Variants in ANO4 observed in about 807,000 individuals in gnomAD.
ANO4 encodes anoctamin 4.
Under a neutral mutation model 141.9 loss-of-function variants are expected in ANO4, and 69 were observed. The observed-to-expected ratio is 0.49, with a 90% confidence interval of 0.40 to 0.59. ANO4 has a LOEUF of 0.59. Among genes scored for constraint, ANO4 ranks in the 20% least tolerant of loss-of-function variants. ANO4 has a pLI of 0.00. For missense variants in ANO4, 894 were observed against 1,162.2 expected, an observed-to-expected ratio of 0.77 and a Z score of 3.36; for synonymous variants, 350 against 394.3, an observed-to-expected ratio of 0.89 and a Z score of 1.33.
chr12:100,818,059 A>C (rs1054215415), intron 1 of ANO4, among the ~76,000 whole-genome samples: 1 of 151,734 alleles, frequency 6.6e-6, no homozygotes, highest in African/African-American at 2.4e-5. Flanking sequence ...TTATTATTGA[A>C]TGTATGACTC....
intron 17 of ANO4, 86 bp from the exon 18 acceptor site, chr12:101,094,170 G>A (rs975691324): frequency 2.0e-5 from 21 of 1,053,132 alleles, no homozygotes; most frequent in Admixed American, 7.6e-5. Context: ...ATTTTGACTC[G>A]TGATTTGACT....
intron 3 of ANO4, among the ~76,000 whole-genome samples, chr12:100,774,879 G>A (rs1014586563): frequency 1.3e-5 from 2 of 152,186 alleles, no homozygotes; most frequent in Non-Finnish European, 2.9e-5. Context: ...TAACTTAACT[G>A]CCTACAGGGG....
intron 1 of ANO4, among the ~76,000 whole-genome samples, chr12:100,882,634 C>T (rs2039624018): frequency 6.6e-6 from 1 of 152,012 alleles, no homozygotes; most frequent in Admixed American, 6.6e-5. Flanking sequence ...ATAGCTCCAC[C>T]CACTAGATGA....
chr12:100,750,964 G>T (rs913854502), intron 3 of ANO4, among the ~76,000 whole-genome samples: 2 of 152,112 alleles, frequency 1.3e-5, no homozygotes, highest in Admixed American at 1.3e-4. Context: ...ATGGAGGGAA[G>T]CATAACCAGG....
chr12:100,760,000 A>G (rs2135522725), intron 3 of ANO4, among the ~76,000 whole-genome samples: 1 of 152,346 alleles, frequency 6.6e-6, no homozygotes, highest in Admixed American at 6.5e-5. Flanking sequence ...TCACCTGCAG[A>G]CATCAGACAT....
chr12:100,732,063 G>C (rs2031401230), intron 1 of ANO4, among the ~76,000 whole-genome samples: 1 of 152,200 alleles, frequency 6.6e-6, no homozygotes, highest in Non-Finnish European at 1.5e-5. Flanking sequence ...TAGGTTTTTG[G>C]ATGGGCGTAA....
intron 14 of ANO4, among the ~76,000 whole-genome samples, chr12:101,073,656 A>G (rs1232822081): frequency 6.6e-6 from 1 of 151,674 alleles, no homozygotes; most frequent in Non-Finnish European, 1.5e-5. Context: ...TGTGTCTGTG[A>G]TGGGCCTTAT....
chr12:100,964,015 C>T (rs1365136948), intron 5 of ANO4, among the ~76,000 whole-genome samples: 1 of 152,158 alleles, frequency 6.6e-6, no homozygotes, highest in African/African-American at 2.4e-5. Flanking sequence ...GAGTAATGTG[C>T]CCACAGATGG....
At chr12:101,076,771 G>A (rs1253693484) in intron 14 of ANO4, among the ~76,000 whole-genome samples, 2 of 152,144 alleles carry the variant, frequency 1.3e-5, no homozygotes, top group East Asian at 3.9e-4. Context: ...TCAGGGGCTG[G>A]GCCACTTGTC....
intron 1 of ANO4, among the ~76,000 whole-genome samples, chr12:100,801,244 A>G (rs12313325): frequency 6.6e-6 from 1 of 152,072 alleles, no homozygotes; most frequent in Non-Finnish European, 1.5e-5. Flanking sequence ...GGGAATCACC[A>G]TCTAAAACCT....
chr12:101,054,694 G>A (rs1448547463), intron 14 of ANO4, among the ~76,000 whole-genome samples: 1 of 152,140 alleles, frequency 6.6e-6, no homozygotes, highest in East Asian at 1.9e-4. Flanking sequence ...TAGAGACGGG[G>A]TTTCACTGTG....
intron 19 of ANO4, 23 bp downstream of exon 19, chr12:101,096,670 C>A (rs1255816785): frequency 1.9e-6 from 3 of 1,559,932 alleles, no homozygotes; most frequent in Non-Finnish European, 2.7e-6. Flanking sequence ...CCCCTGCACA[C>A]CTCCCCAAGC....
At chr12:100,873,937 C>T (rs1207631825) in intron 1 of ANO4, among the ~76,000 whole-genome samples, 1 of 152,216 alleles carries the variant, frequency 6.6e-6, no homozygotes, top group Admixed American at 6.5e-5. Context: ...TGCGCTACCT[C>T]AGGACACTGC....
At chr12:101,065,962 C>G (rs1311849586) in intron 14 of ANO4, among the ~76,000 whole-genome samples, 1 of 152,142 alleles carries the variant, frequency 6.6e-6, no homozygotes. Context: ...TCAACATATG[C>G]AAGTCAACCA....
chr12:100,955,864 G>A (rs1211621785), intron 5 of ANO4, among the ~76,000 whole-genome samples: 2 of 152,150 alleles, frequency 1.3e-5, no homozygotes, highest in Non-Finnish European at 2.9e-5. Flanking sequence ...CATAAACGAT[G>A]GCATGATAGA....
chr12:100,724,025 A>AAACC (rs66930739), intron 1 of ANO4, among the ~76,000 whole-genome samples: 4 of 31,300 alleles, frequency 1.3e-4, no homozygotes, highest in East Asian at 3.9e-3. Context: ...AACAAACAAA[A>AAACC]AACAAAAAAA....
intron 3 of ANO4, among the ~76,000 whole-genome samples, chr12:100,742,203 C>T (rs1161612040): frequency 3.3e-5 from 5 of 152,044 alleles, no homozygotes; most frequent in Non-Finnish European, 7.4e-5. Context: ...ATCATTTTAT[C>T]ATAGAAAGTT....
At chr12:100,775,378 A>C (rs1287023960) in intron 3 of ANO4, among the ~76,000 whole-genome samples, 1 of 152,198 alleles carries the variant, frequency 6.6e-6, no homozygotes, top group Non-Finnish European at 1.5e-5. Flanking sequence ...TCTAAGAGAA[A>C]ACCAATCCAT....
chr12:101,033,252 G>A (rs1349626581), intron 9 of ANO4, among the ~76,000 whole-genome samples: 2 of 151,482 alleles, frequency 1.3e-5, no homozygotes, highest in Non-Finnish European at 2.9e-5. Flanking sequence ...TCACTCATAG[G>A]TGGGAATTGA....
Sources: gnomAD v4.1 joint callset for allele counts (sites outside exome capture counted in the v4.1 genomes callset) on GRCh38, gnomAD v4.1.1 for gene constraint, MANE v1.5 for transcripts, NCBI Gene and HGNC (gene_info 2026-07-23, HGNC 2026-07-21) for gene names.